CNTNAP2: variants seen among roughly 807,000 people sequenced by gnomAD.
CNTNAP2 encodes the protein contactin-associated protein-like 2.
Under a neutral mutation model 155.2 loss-of-function variants are expected in CNTNAP2, and 98 were observed. That is an observed-to-expected ratio of 0.63 (90% CI 0.54 to 0.75). The LOEUF (loss-of-function observed/expected upper bound fraction) is 0.75. Ranked by LOEUF, CNTNAP2 falls within the 30% of genes least tolerant of loss-of-function variation. The probability of loss-of-function intolerance (pLI) is 0.00; values close to 1 mark genes in which losing one functional copy is unlikely to be tolerated. For synonymous variants in CNTNAP2, 651 were observed against 631.2 expected (o/e 1.03, Z -0.47); for missense variants, 1,727 against 1,688.1 (o/e 1.02, Z -0.40).
chr7:146,421,574 A>G (rs1332746695), intron 1 of CNTNAP2, among the ~76,000 whole-genome samples: 4 of 152,030 alleles, frequency 2.6e-5, no homozygotes, highest in African/African-American at 9.6e-5. Context: ...ACTATTAGAC[A>G]TCTACATATT....
rs188602986 is a variant in CNTNAP2 at position 147,991,596 on chromosome 7, T to C, written c.2383+13607T>C. ...TAAATTAAGGATTAAAAAAAAACTC[T>C]TTTGCTAAGTTTTTATACATTCTTT... On this transcript the variant is annotated intron_variant, in intron 15 of 23. Coordinates refer to ENST00000361727, the MANE Select transcript of CNTNAP2 (RefSeq NM_014141.6). Among the ~76,000 whole-genome samples the C allele has an allele frequency of 3.7e-3, 567 of 152,294 alleles. 4 individuals are homozygous for C. The highest frequency in any genetic ancestry group is 0.014 in the Middle Eastern group (4 of 294).
At chr7:147,634,010 T>C (rs1025337049) in intron 12 of CNTNAP2, among the ~76,000 whole-genome samples, 2 of 152,152 alleles carry the variant, frequency 1.3e-5, no homozygotes, top group Non-Finnish European at 2.9e-5. Flanking sequence ...CTGGTGGGAA[T>C]ATAAGCTAGT....
At chr7:146,324,853 A>G (rs778889911) in intron 1 of CNTNAP2, among the ~76,000 whole-genome samples, 2 of 152,162 alleles carry the variant, frequency 1.3e-5, no homozygotes, top group Non-Finnish European at 2.9e-5. Context: ...AATCAATTAT[A>G]TAGGAATATG....
At chr7:147,952,283 A>G in intron 14 of CNTNAP2, among the ~76,000 whole-genome samples, 1 of 70,136 alleles carries the variant, frequency 1.4e-5, no homozygotes, top group Admixed American at 1.6e-4. Flanking sequence ...TCTCTACTAA[A>G]AATACAAAAT....
In CNTNAP2 at chr7:147,772,719, C is replaced by T. The variant is rs996335469; in HGVS notation, c.2099-130846C>T. 5.3e-5 allele frequency among the ~76,000 whole-genome samples: 8 copies of T among 152,058 alleles called. No homozygotes were observed. The East Asian group carries it at 9.7e-4, about 18-fold the overall frequency. On this transcript the variant is annotated intron_variant, in intron 13 of 23. Transcript: ENST00000361727. ...CCCAGTGAACAGAGGCAGCAGTAAC[C>T]TAACTGGACTCTAGCCTTGCACTGA... is the stretch of plus-strand genomic sequence containing the variant.
At chr7:146,689,471 G>A (rs1042257578) in intron 1 of CNTNAP2, among the ~76,000 whole-genome samples, 1 of 151,994 alleles carries the variant, frequency 6.6e-6, no homozygotes, top group African/African-American at 2.4e-5. Flanking sequence ...AAATACAAAG[G>A]AATTTTCTCA....
chr7:147,871,785 G>A (rs1384336464), intron 13 of CNTNAP2, among the ~76,000 whole-genome samples: 2 of 151,940 alleles, frequency 1.3e-5, no homozygotes, highest in Non-Finnish European at 2.9e-5. Flanking sequence ...GTGAGTCGTG[G>A]CCGAATAGTT....
chr7:146,635,570 ATTC>A (rs1368649506), intron 1 of CNTNAP2, among the ~76,000 whole-genome samples: 2 of 152,204 alleles, frequency 1.3e-5, no homozygotes, highest in Non-Finnish European at 2.9e-5. Flanking sequence ...ATTCATCAGA[ATTC>A]TTCTTAAAAG....
chr7:146,171,827 G>A (rs1798395745), intron 1 of CNTNAP2, among the ~76,000 whole-genome samples: 1 of 152,118 alleles, frequency 6.6e-6, no homozygotes, highest in East Asian at 1.9e-4. Context: ...ATCTTAAATA[G>A]TGCTACAGAG....
chr7:146,196,715 A>G (rs867795305), intron 1 of CNTNAP2, among the ~76,000 whole-genome samples: 10 of 152,174 alleles, frequency 6.6e-5, no homozygotes, highest in Non-Finnish European at 1.5e-4. Flanking sequence ...CAGTCTAGAT[A>G]ATACTAATAT....
intron 15 of CNTNAP2, among the ~76,000 whole-genome samples, chr7:147,988,663 T>A (rs1801661287): frequency 6.6e-6 from 1 of 152,150 alleles, no homozygotes; most frequent in South Asian, 2.1e-4. Flanking sequence ...GTCCTCTCTC[T>A]GGGTGCCTCT....
At position 148,172,496 on chromosome 7, in the gene CNTNAP2, T is replaced by A. The variant is rs2116691282; in HGVS notation, c.3010+18T>A. On this transcript the variant is annotated intron_variant, in intron 18 of 23. Coordinates refer to ENST00000361727, the MANE Select transcript of CNTNAP2 (RefSeq NM_014141.6). ...CAACAAAGGTAAGGTGGAACCCATT[T>A]CCAGAGCCACTTTTGCGTGTCTTTT... The A allele has an allele frequency of 6.2e-7, 1 of 1,606,300 alleles. No individual in the cohort carries two copies. The highest frequency in any genetic ancestry group is 8.5e-7 in the Non-Finnish European group (1 of 1,172,888).
Position 147,377,520 on chromosome 7 carries a change from C to T in CNTNAP2, c.1499-18089C>T, listed in dbSNP as rs1796456573. Among the ~76,000 whole-genome samples, 3 of 151,794 alleles carry T rather than the reference C, an allele frequency of 2.0e-5. No homozygotes were observed. The East Asian group carries it at 5.8e-4, about 29-fold the overall frequency. On this transcript the variant is annotated intron_variant, in intron 9 of 23. Coordinates refer to ENST00000361727, the MANE Select transcript of CNTNAP2 (RefSeq NM_014141.6). ...ATCTTGTATTTCTCTCTTTTCTGGA[C>T]ATAGTTCCATTCTTTGACACACATC...
Position 147,731,566 on chromosome 7 carries a change from G to A in CNTNAP2, c.2098+92260G>A, listed in dbSNP as rs188597056. On this transcript the variant is annotated intron_variant, in intron 13 of 23. Coordinates refer to ENST00000361727, the MANE Select transcript of CNTNAP2 (RefSeq NM_014141.6). ...CTCATCACCCAAGAGCTCTGATGGAGATATACAAGAAGATTAATGTTGTTT... is the reference window on the plus strand; with the variant it reads ...CTCATCACCCAAGAGCTCTGATGGAAATATACAAGAAGATTAATGTTGTTT... 2.6e-5 allele frequency among the ~76,000 whole-genome samples: 4 copies of A among 152,206 alleles called. No homozygotes were observed. In the East Asian group the frequency reaches 5.8e-4, roughly 22 times the overall value.
chr7:147,035,895 T>G (rs1454615575), intron 3 of CNTNAP2, among the ~76,000 whole-genome samples: 1 of 152,182 alleles, frequency 6.6e-6, no homozygotes, highest in African/African-American at 2.4e-5. Context: ...TCATGCATCA[T>G]ACATAGCATA....
At chr7:147,457,279 G>C (rs769012598) in intron 10 of CNTNAP2, among the ~76,000 whole-genome samples, 1 of 152,160 alleles carries the variant, frequency 6.6e-6, no homozygotes, top group Non-Finnish European at 1.5e-5. Context: ...AAGTTGGAAG[G>C]TGAAAATTAA....
Position 147,093,255 on chromosome 7 carries a change from A to G in CNTNAP2, c.551-14892A>G, listed in dbSNP as rs573387049. 1.9e-4 allele frequency among the ~76,000 whole-genome samples: 29 copies of G among 150,818 alleles called. 1 individual carries two copies. In the South Asian group the frequency reaches 2.7e-3, roughly 14 times the overall value. ...GACTCCATCTCAAAAAAAAAAAAAA[A>G]AAAAGAAAAAGAAAAGGTGTACGTA... On this transcript the variant is annotated intron_variant, in intron 4 of 23. Transcript: ENST00000361727.
intron 9 of CNTNAP2, among the ~76,000 whole-genome samples, chr7:147,321,431 TA>T (rs1375373478): frequency 6.6e-6 from 1 of 151,304 alleles, no homozygotes; most frequent in African/African-American, 2.4e-5. Context: ...AGTTATTTTT[TA>T]TTTTTTTCAT....
chr7:147,655,331 C>T (rs1348424592), intron 13 of CNTNAP2, among the ~76,000 whole-genome samples: 1 of 150,234 alleles, frequency 6.7e-6, no homozygotes, highest in East Asian at 2.0e-4. Flanking sequence ...TCGTGTTTGC[C>T]ATGCTGGTCT....
Sources: allele counts gnomAD v4.1 joint callset (sites outside exome capture counted in the v4.1 genomes callset), GRCh38; gene constraint gnomAD v4.1.1; transcripts MANE v1.5; gene names NCBI Gene and HGNC (gene_info 2026-07-23, HGNC 2026-07-21).